Variants in INTS15 observed in about 807,000 individuals in gnomAD.
INTS15 encodes the protein integrator complex subunit 15.
chr7:6,593,265 A>G, the INTS15 span, among the ~76,000 whole-genome samples: 1 of 151,752 alleles, frequency 6.6e-6, no homozygotes, highest in Non-Finnish European at 1.5e-5. Context: ...AATAAGCGCG[A>G]TCACGTCTCA....
chr7:6,602,926 G>A, the INTS15 span, among the ~76,000 whole-genome samples: 4 of 152,174 alleles, frequency 2.6e-5, no homozygotes, highest in East Asian at 3.8e-4. Flanking sequence ...GCTTCTCACC[G>A]TAAGATTTTT....
At chr7:6,599,727 T>TG in the INTS15 span, 1 of 1,114,894 alleles carries the variant, frequency 9.0e-7, no homozygotes, top group Non-Finnish European at 1.3e-6. Context: ...GACCATCAGG[T>TG]GGGCAGTGCC....
the INTS15 span, chr7:6,607,422 G>C: frequency 1.5e-6 from 1 of 681,790 alleles, no homozygotes; most frequent in Non-Finnish European, 2.2e-6. The surrounding 1 kb of genome is among the most constrained non-coding windows in gnomAD (Gnocchi z 6.0). Context: ...GGCATCTGAA[G>C]CTGAGGCTGC....
chr7:6,590,250 A>G, the INTS15 span: 33 of 1,469,910 alleles, frequency 2.2e-5, no homozygotes, highest in Non-Finnish European at 3.0e-5. Flanking sequence ...CGGAAGTGAG[A>G]CGCGCTCGGC....
chr7:6,603,655 A>G, the INTS15 span, among the ~76,000 whole-genome samples: 1 of 151,968 alleles, frequency 6.6e-6, no homozygotes, highest in Non-Finnish European at 1.5e-5. Context: ...CTTGGCCAAC[A>G]TGGTGAAACC....
chr7:6,595,128 C>T, the INTS15 span, among the ~76,000 whole-genome samples: 1 of 151,556 alleles, frequency 6.6e-6, no homozygotes, highest in Admixed American at 6.6e-5. Context: ...GCCCCCAAGG[C>T]TCAAGTGTTT....
At chr7:6,597,415 C>T in the INTS15 span, among the ~76,000 whole-genome samples, 1 of 152,100 alleles carries the variant, frequency 6.6e-6, no homozygotes, top group Non-Finnish European at 1.5e-5. Context: ...CTGCTTCAGC[C>T]TCCTGAGTAG....
chr7:6,607,207 G>A, the INTS15 span, among the ~76,000 whole-genome samples: 10 of 152,242 alleles, frequency 6.6e-5, no homozygotes, highest in African/African-American at 2.4e-4. The surrounding 1 kb of genome is among the most constrained non-coding windows in gnomAD (Gnocchi z 6.0). Flanking sequence ...GGGACCCAGC[G>A]TTGGAAAGCC....
chr7:6,600,931 C>G, the INTS15 span, among the ~76,000 whole-genome samples: 2 of 151,948 alleles, frequency 1.3e-5, no homozygotes, highest in African/African-American at 4.8e-5. Flanking sequence ...GCCACCGTGC[C>G]GTTTCTTTTT....
At chr7:6,602,367 C>G in the INTS15 span, 3 of 521,256 alleles carry the variant, frequency 5.8e-6, no homozygotes, top group Non-Finnish European at 1.0e-5. Context: ...CCTGTATCAC[C>G]GAAAGCTCCC....
chr7:6,591,744 C>G, the INTS15 span: 5 of 1,614,084 alleles, frequency 3.1e-6, no homozygotes, highest in Non-Finnish European at 4.2e-6. Flanking sequence ...TTTTTTCATC[C>G]CTTTTCAGCC....
At chr7:6,606,292 TCCTGGGGGCCCTGGG>T in the INTS15 span, among the ~76,000 whole-genome samples, 1 of 152,180 alleles carries the variant, frequency 6.6e-6, no homozygotes, top group Non-Finnish European at 1.5e-5. Context: ...CCTCAGCCCC[TCCTGGGGGCCCTGGG>T]CCCAAGCCTT....
the INTS15 span, among the ~76,000 whole-genome samples, chr7:6,595,751 A>G: frequency 3.9e-5 from 6 of 152,020 alleles, no homozygotes; most frequent in Non-Finnish European, 8.8e-5. Context: ...GTGCAGTCAT[A>G]GGTCACTGTA....
chr7:6,602,131 C>G, the INTS15 span: 1 of 1,612,858 alleles, frequency 6.2e-7, no homozygotes, highest in Non-Finnish European at 8.5e-7. Context: ...TCCAGGCTGC[C>G]CCATAATAAG....
the INTS15 span, among the ~76,000 whole-genome samples, chr7:6,597,035 C>G: frequency 6.6e-6 from 1 of 151,750 alleles, no homozygotes; most frequent in African/African-American, 2.4e-5. Context: ...GCCTCGGCCT[C>G]CCAAAAATGC....
the INTS15 span, among the ~76,000 whole-genome samples, chr7:6,592,609 CT>C: frequency 2.7e-5 from 4 of 147,558 alleles, no homozygotes; most frequent in African/African-American, 1.0e-4. Context: ...GTTTTTTTTT[CT>C]TTTTCTTTTT....
the INTS15 span, among the ~76,000 whole-genome samples, chr7:6,605,829 G>C: frequency 5.3e-5 from 8 of 151,970 alleles, no homozygotes; most frequent in Non-Finnish European, 1.0e-4. Context: ...CTCCCGGATA[G>C]CTGGGATTAC....
the INTS15 span, among the ~76,000 whole-genome samples, chr7:6,598,782 TGTG>T: frequency 4.2e-5 from 4 of 96,332 alleles, no homozygotes; most frequent in South Asian, 3.0e-4. Flanking sequence ...TGTGTGTGTG[TGTG>T]TATTTTTTTT....
the INTS15 span, chr7:6,602,256 A>C: frequency 2.6e-6 from 2 of 769,320 alleles, no homozygotes; most frequent in Non-Finnish European, 4.3e-6. Context: ...TAAGCACATG[A>C]TGATAAGTGG....
Sources: gnomAD v4.1 joint callset for allele counts (sites outside exome capture counted in the v4.1 genomes callset) on GRCh38, gnomAD v4.1.1 for gene constraint, Gnocchi (gnomAD v3.1) non-coding constraint, MANE v1.5 for transcripts, NCBI Gene and HGNC (gene_info 2026-07-23, HGNC 2026-07-21) for gene names.